The following TECPR2 variants were observed in gnomAD, a reference collection of about 807,000 sequenced individuals.
TECPR2 encodes tectonin beta-propeller repeat-containing protein 2.
Under a neutral mutation model 138.1 loss-of-function variants are expected in TECPR2, and 65 were observed. The observed-to-expected ratio is 0.47, with a 90% CI of 0.39 to 0.58. The LOEUF is 0.58. Among genes scored for constraint, TECPR2 ranks in the 20% least tolerant of loss-of-function variants. The pLI is 0.00. For missense variants in TECPR2, 1,553 were observed against 1,824.5 expected, an observed-to-expected ratio of 0.85 and a Z score of 2.71; for synonymous variants, 746 against 749.8, an observed-to-expected ratio of 0.99 and a Z score of 0.08.
intron 11 of TECPR2, among the ~76,000 whole-genome samples, chr14:102,442,552 G>C (rs1209040873): frequency 1.3e-5 from 2 of 152,248 alleles, no homozygotes; most frequent in Non-Finnish European, 2.9e-5. Context: ...CTGGCCTGGG[G>C]GTGAGGAGCG....
chr14:102,492,846 G>A (rs2033563387), intron 17 of TECPR2, among the ~76,000 whole-genome samples: 3 of 152,260 alleles, frequency 2.0e-5, no homozygotes, highest in Admixed American at 2.0e-4. Flanking sequence ...CTGTTCTAGC[G>A]GCTTCTAGTA....
At position 102,452,487 on chromosome 14, in the gene TECPR2, C is replaced by T. The variant is rs2139755269; in HGVS notation, c.3500C>T (p.Pro1167Leu). ...CGGCCCTCCACGGTGCAGCTGCCTC[C>T]CGAAGCCGAGATGCGCGCCTATGCC... ...QSRPSTVQLP[P>L]EAEMRAYAAC... Residue 1167 changes from proline (P) to leucine (L), a missense_variant, in exon 16 of 20, where the codon CCC becomes CTC. Coordinates refer to ENST00000359520, the MANE Select transcript of TECPR2 (RefSeq NM_014844.5). The T allele has an allele frequency of 1.2e-6, 2 of 1,613,472 alleles. No homozygotes were observed. Among genetic ancestry groups the T allele is most frequent in the South Asian group, 1.1e-5 (1 of 91,058 alleles).
rs1313043476 is a variant in TECPR2, at chr14:102,420,955, T to C, written c.639-4024T>C. ...CTCAGATGGCGCTTCCAGATGCTGA[T>C]GTGATTGTTCACACAGGTCAGCACA... On this transcript the variant is annotated intron_variant, in intron 5 of 19. Transcript: ENST00000359520. This position sits in a 1 kb window ranked among gnomAD's most constrained non-coding sequence, Gnocchi z 4.1. Among the ~76,000 whole-genome samples, 1 of 152,206 alleles carries C rather than the reference T, an allele frequency of 6.6e-6. No individual in the cohort carries two copies. Among genetic ancestry groups the C allele is most frequent in the East Asian group, 1.9e-4 (1 of 5,198 alleles).
chr14:102,498,698 C>T lies in TECPR2; in HGVS notation c.*441C>T, dbSNP rs538095555. 1.9e-5 allele frequency: 8 copies of T among 419,218 alleles called. No homozygotes were observed. The highest frequency in any genetic ancestry group is 5.7e-5 in the East Asian group (1 of 17,536). The allele number at this position is 419,218 out of a possible 1,614,324, so 26.0% of individuals were successfully genotyped here. On this transcript the variant is annotated 3_prime_UTR_variant, in exon 20 of 20. Coordinates refer to ENST00000359520, the MANE Select transcript of TECPR2 (RefSeq NM_014844.5). ...AGCCAAAGGTCAGCTCTCTGCAGCG[C>T]GGGATGTGCTCGGTGATGGCTTTGT...
intron 14 of TECPR2, among the ~76,000 whole-genome samples, chr14:102,450,174 C>T (rs1890103040): frequency 6.6e-6 from 1 of 152,152 alleles, no homozygotes; most frequent in African/African-American, 2.4e-5. Flanking sequence ...AAAAAATCCA[C>T]CCAAACCTAG....
intron 1 of TECPR2, among the ~76,000 whole-genome samples, chr14:102,363,396 G>T (rs1887239299): frequency 6.6e-6 from 1 of 152,036 alleles, no homozygotes; most frequent in South Asian, 2.1e-4. Context: ...CCTCCGCTGC[G>T]CGTCCCGCGC....
At chr14:102,411,698 T>TAAAAAAAAAAAAAAAAAAAAA (rs1219515960) in intron 4 of TECPR2, among the ~76,000 whole-genome samples, 7 of 9,688 alleles carry the variant, frequency 7.2e-4, no homozygotes, top group Admixed American at 1.7e-3. Flanking sequence ...GCCATGTTGC[T>TAAAAAAAAAAAAAAAAAAAAA]CAAAAAAAAA....
At chr14:102,463,447 AC>A (rs1890469332) in intron 16 of TECPR2, among the ~76,000 whole-genome samples, 1 of 150,834 alleles carries the variant, frequency 6.6e-6, no homozygotes, top group Non-Finnish European at 1.5e-5. Flanking sequence ...AAAGAAAAAA[AC>A]AAAAAAACAG....
At chr14:102,468,401 CTGG>C (rs900534215) in intron 17 of TECPR2, among the ~76,000 whole-genome samples, 2 of 152,144 alleles carry the variant, frequency 1.3e-5, no homozygotes, top group Non-Finnish European at 2.9e-5. Flanking sequence ...GTTGGCCAGG[CTGG>C]TCTTGAACTC....
chr14:102,402,988 T>A (rs1421830645), intron 2 of TECPR2, among the ~76,000 whole-genome samples: 1 of 152,186 alleles, frequency 6.6e-6, no homozygotes, highest in Non-Finnish European at 1.5e-5. Context: ...CTATTTCTTC[T>A]CAAATTTTTC....
intron 17 of TECPR2, among the ~76,000 whole-genome samples, chr14:102,487,252 A>G (rs1259897004): frequency 2.6e-5 from 4 of 152,254 alleles, no homozygotes; most frequent in African/African-American, 7.2e-5. Context: ...TGCCGCTTCA[A>G]AAACCCTCGG....
At chr14:102,482,471 T>G (rs1228879201) in intron 17 of TECPR2, among the ~76,000 whole-genome samples, 1 of 152,222 alleles carries the variant, frequency 6.6e-6, no homozygotes, top group East Asian at 1.9e-4. Flanking sequence ...AGATCTCTCC[T>G]GCACCCTCTT....
At chr14:102,394,460 G>C (rs998718810) in intron 2 of TECPR2, among the ~76,000 whole-genome samples, 25 of 152,042 alleles carry the variant, frequency 1.6e-4, no homozygotes, top group African/African-American at 5.8e-4. Flanking sequence ...AAATTAGCTG[G>C]GTGTGGTGGC....
intron 6 of TECPR2, among the ~76,000 whole-genome samples, chr14:102,427,507 C>T (rs1158276859): frequency 6.6e-6 from 1 of 152,148 alleles, no homozygotes. Flanking sequence ...AAAACATAGA[C>T]TCTCCTTCTA....
intron 2 of TECPR2, among the ~76,000 whole-genome samples, chr14:102,379,628 C>T (rs1368555341): frequency 8.1e-4 from 91 of 112,338 alleles, no homozygotes; most frequent in Admixed American, 1.2e-3. Flanking sequence ...CACAGAGGCA[C>T]CCTAGTCACA....
intron 17 of TECPR2, among the ~76,000 whole-genome samples, chr14:102,479,958 T>C (rs946266836): frequency 6.6e-6 from 1 of 152,258 alleles, no homozygotes; most frequent in Non-Finnish European, 1.5e-5. Flanking sequence ...GGAGGGACTG[T>C]TCCCATTGCG....
rs1889711704 is a variant in TECPR2, at chr14:102,437,872, C to T, written c.2395-150C>T. The T allele has an allele frequency of 3.5e-6, 3 of 863,234 alleles. No individual in the cohort carries two copies. The East Asian group carries it at 7.6e-5, about 22-fold the overall frequency. The allele number at this position is 863,234 out of a possible 1,614,324, so 53.5% of individuals were successfully genotyped here. On this transcript the variant is annotated intron_variant, in intron 9 of 19. Transcript: ENST00000359520. The stretch of plus-strand genomic sequence containing the variant: ...GTAGTAGAGGGGTGTCCACAGATAG[C>T]AGGGGTTGGGAGAAGGGTTGACTTG...
intron 17 of TECPR2, among the ~76,000 whole-genome samples, chr14:102,491,992 G>A (rs889621974): frequency 6.6e-6 from 1 of 152,224 alleles, no homozygotes; most frequent in Non-Finnish European, 1.5e-5. Context: ...GGCCACATGA[G>A]CCCTGCCAGT....
chr14:102,414,850 G>T, intron 5 of TECPR2, 57 bp downstream of exon 5: 1 of 1,589,932 alleles, frequency 6.3e-7, no homozygotes. Context: ...TGTAGAAGGT[G>T]CTTTAGGGTT....
Sources: allele counts gnomAD v4.1 joint callset (sites outside exome capture counted in the v4.1 genomes callset), GRCh38; gene constraint gnomAD v4.1.1; non-coding constraint Gnocchi (gnomAD v3.1); transcripts MANE v1.5; gene names NCBI Gene and HGNC (gene_info 2026-07-23, HGNC 2026-07-21).